LRRC28: variants seen among roughly 807,000 people sequenced by gnomAD.
The protein encoded by LRRC28 is leucine-rich repeat-containing protein 28.
LRRC28 carries 39 observed loss-of-function variants against 45.7 expected under a neutral mutation model. The ratio of observed to expected loss-of-function variants is 0.85; its 90% CI spans 0.66 to 1.12. The LOEUF (loss-of-function observed/expected upper bound fraction) is 1.12, where lower values mean the gene tolerates loss of function less well. Ranked by LOEUF, LRRC28 falls within the 50% of genes most tolerant of loss-of-function variation. The pLI, the probability that LRRC28 is intolerant of heterozygous loss-of-function variation, is 0.00. For synonymous variants in LRRC28, 206 were observed against 178.8 expected (o/e 1.15, Z -1.22); for missense variants, 435 against 438.5 (o/e 0.99, Z 0.07).
At position 99,361,434 on chromosome 15, in the gene LRRC28, C is replaced by A. The variant is rs757269915; in HGVS notation, c.794C>A (p.Thr265Lys). The A allele has an allele frequency of 7.4e-6, 12 of 1,613,964 alleles. No individual in the cohort carries two copies. Among genetic ancestry groups the A allele is most frequent in the Non-Finnish European group, 1.0e-5 (12 of 1,179,938 alleles). Residue 265 changes from threonine to lysine, a missense_variant, in exon 8 of 10, where the codon ACG (threonine) becomes AAG (lysine). Thr to Lys is a moderately conservative substitution (Grantham distance 78). Transcript: ENST00000301981. ...FLPAEVKAIG[T>K]EHDHVLPLQE... ...CCAGCTGAGGTGAAGGCCATAGGGA[C>A]GGAGCATGATCACGTCCTCCCTCTG...
intron 6 of LRRC28, among the ~76,000 whole-genome samples, chr15:99,339,333 G>A (rs569340889): frequency 2.6e-5 from 4 of 152,286 alleles, no homozygotes; most frequent in East Asian, 1.9e-4. Context: ...GAAATGCCAC[G>A]TCAGCCAAAC....
intron 5 of LRRC28, among the ~76,000 whole-genome samples, chr15:99,322,087 A>G (rs1955818083): frequency 6.6e-6 from 1 of 152,174 alleles, no homozygotes. Context: ...AAAGCCTCCA[A>G]GGGAAGAAAT....
intron 6 of LRRC28, among the ~76,000 whole-genome samples, chr15:99,341,390 C>A (rs1956508325): frequency 6.6e-6 from 1 of 152,164 alleles, no homozygotes; most frequent in Non-Finnish European, 1.5e-5. Context: ...CCGCGCCCGG[C>A]CTGTTCTGCT....
chr15:99,363,342 G>A (rs62023858), intron 9 of LRRC28, 77 bp downstream of exon 9: 236,082 of 1,518,178 alleles, frequency 0.16, 19,303 homozygotes, highest in Non-Finnish European at 0.17. Context: ...GGCTGTGCAT[G>A]AAAGCATTAA....
At chr15:99,266,094 G>A (rs2081325662) in intron 2 of LRRC28, among the ~76,000 whole-genome samples, 2 of 152,196 alleles carry the variant, frequency 1.3e-5, no homozygotes, top group Admixed American at 1.3e-4. Flanking sequence ...GTTAATCTAT[G>A]CAACAAGAGA....
intron 2 of LRRC28, among the ~76,000 whole-genome samples, chr15:99,273,125 C>A (rs986044965): frequency 4.6e-5 from 7 of 152,146 alleles, no homozygotes; most frequent in African/African-American, 1.7e-4. Context: ...CATTAGAAAA[C>A]AGAGAGTGAT....
At chr15:99,327,888 C>A (rs1399494476) in intron 5 of LRRC28, among the ~76,000 whole-genome samples, 1 of 152,090 alleles carries the variant, frequency 6.6e-6, no homozygotes, top group African/African-American at 2.4e-5. Flanking sequence ...TGGCTACATT[C>A]TATGCATTTT....
intron 7 of LRRC28, among the ~76,000 whole-genome samples, chr15:99,360,777 G>T (rs896830371): frequency 2.0e-5 from 3 of 152,210 alleles, no homozygotes; most frequent in African/African-American, 7.2e-5. Context: ...CTGCCTTCTG[G>T]TTATGAGTGG....
intron 5 of LRRC28, among the ~76,000 whole-genome samples, chr15:99,292,308 C>T (rs1317425461): frequency 6.0e-5 from 9 of 150,664 alleles, no homozygotes; most frequent in African/African-American, 1.5e-4. Flanking sequence ...GTTGGTGGGA[C>T]GGAGTGTGTG....
At chr15:99,346,158 GTTCATTCATTCA>G (rs372234952) in intron 6 of LRRC28, among the ~76,000 whole-genome samples, 10 of 151,794 alleles carry the variant, frequency 6.6e-5, no homozygotes, top group East Asian at 3.9e-4. Context: ...ATAGTCATTT[GTTCATTCATTCA>G]TTCATTCATT....
chr15:99,296,046 A>G (rs2082253155), intron 5 of LRRC28, among the ~76,000 whole-genome samples: 1 of 152,122 alleles, frequency 6.6e-6, no homozygotes, highest in South Asian at 2.1e-4. Context: ...TTTCCTACAG[A>G]GGACATAAAA....
At chr15:99,313,344 G>T (rs1389260680) in intron 5 of LRRC28, among the ~76,000 whole-genome samples, 1 of 152,088 alleles carries the variant, frequency 6.6e-6, no homozygotes, top group Admixed American at 6.6e-5. Flanking sequence ...ACGCAATTAT[G>T]TTGAAGATTT....
intron 7 of LRRC28, among the ~76,000 whole-genome samples, chr15:99,356,244 C>A (rs1957044443): frequency 6.6e-6 from 1 of 152,036 alleles, no homozygotes; most frequent in Admixed American, 6.6e-5. Flanking sequence ...AGAAAGATGA[C>A]CAGCAGAGAC....
At chr15:99,325,233 T>G (rs1487899456) in intron 5 of LRRC28, among the ~76,000 whole-genome samples, 1 of 152,228 alleles carries the variant, frequency 6.6e-6, no homozygotes, top group African/African-American at 2.4e-5. Context: ...TTTGGAATTG[T>G]TTTTTCCTGA....
chr15:99,269,433 CAG>C (rs2081415556), intron 2 of LRRC28, among the ~76,000 whole-genome samples: 3 of 150,972 alleles, frequency 2.0e-5, no homozygotes, highest in Non-Finnish European at 2.9e-5. Flanking sequence ...TTTTTGGAGA[CAG>C]AGTTTTCACC....
At chr15:99,364,524 C>T (rs916420077) in intron 9 of LRRC28, among the ~76,000 whole-genome samples, 2 of 152,164 alleles carry the variant, frequency 1.3e-5, no homozygotes, top group Admixed American at 1.3e-4. Context: ...GGTGGAATTG[C>T]ATTTAAATTA....
chr15:99,312,194 T>C (rs1955438399), intron 5 of LRRC28, among the ~76,000 whole-genome samples: 1 of 152,222 alleles, frequency 6.6e-6, no homozygotes, highest in Non-Finnish European at 1.5e-5. Context: ...TACATAAACC[T>C]AGATATTATA....
chr15:99,359,745 A>C (rs1957146344), intron 7 of LRRC28, among the ~76,000 whole-genome samples: 1 of 152,368 alleles, frequency 6.6e-6, no homozygotes, highest in South Asian at 2.1e-4. Context: ...ATAAATTAAT[A>C]AACTGTGGTT....
At chr15:99,371,099 C>G (rs113117808) in intron 9 of LRRC28, among the ~76,000 whole-genome samples, 6 of 152,212 alleles carry the variant, frequency 3.9e-5, no homozygotes, top group East Asian at 1.9e-4. Flanking sequence ...GAGCAAGACT[C>G]TCTCAAAAAC....
Sources: allele counts gnomAD v4.1 joint callset (sites outside exome capture counted in the v4.1 genomes callset), GRCh38; gene constraint gnomAD v4.1.1; transcripts MANE v1.5; gene names NCBI Gene and HGNC (gene_info 2026-07-23, HGNC 2026-07-21).